CLSTN2: variants seen among roughly 807,000 people sequenced by gnomAD.
CLSTN2 encodes calsyntenin 2.
Under a neutral mutation model 101.2 loss-of-function variants are expected in CLSTN2, and 48 were observed. That is an observed-to-expected ratio of 0.47 (90% CI 0.38 to 0.60). CLSTN2 has a LOEUF of 0.60. CLSTN2 is among the 20% of genes least tolerant of loss of function. The probability of loss-of-function intolerance (pLI) is 0.00; values close to 1 mark genes in which losing one functional copy is unlikely to be tolerated. For synonymous variants in CLSTN2, 481 were observed against 463.6 expected, an observed-to-expected ratio of 1.04 and a Z score of -0.48; for missense variants, 1,160 against 1,238.2, an observed-to-expected ratio of 0.94 and a Z score of 0.95.
In CLSTN2 at chr3:139,969,768, A is replaced by AATG. The variant is rs138837562; in HGVS notation, c.109+34287_109+34289dup. On this transcript the variant is annotated intron_variant, in intron 1 of 16. Coordinates refer to ENST00000458420, the MANE Select transcript of CLSTN2 (RefSeq NM_022131.3). ...GACCTGTGCCTCCAGCCTCCTTTCAAATGAGACTCTCCAAAAGCAACCATC... is the reference window on the plus strand; with the variant it reads ...GACCTGTGCCTCCAGCCTCCTTTCAAATGATGAGACTCTCCAAAAGCAACCATC... 9.5e-3 allele frequency among the ~76,000 whole-genome samples: 1,442 copies of AATG among 152,158 alleles called. 19 individuals carry two copies. The highest frequency in any genetic ancestry group is 0.033 in the African/African-American group (1,354 of 41,502).
At chr3:140,361,012 G>T (rs548141811) in intron 2 of CLSTN2, among the ~76,000 whole-genome samples, 1 of 152,224 alleles carries the variant, frequency 6.6e-6, no homozygotes, top group African/African-American at 2.4e-5. Flanking sequence ...TTTTCTGTGT[G>T]GTCAGTACTA....
At chr3:140,279,393 G>A (rs760295480) in intron 2 of CLSTN2, among the ~76,000 whole-genome samples, 1 of 152,242 alleles carries the variant, frequency 6.6e-6, no homozygotes, top group Non-Finnish European at 1.5e-5. Context: ...TGAAGGTGCT[G>A]CATGCCTTGA....
At chr3:139,990,775 C>G (rs4683778) in intron 1 of CLSTN2, among the ~76,000 whole-genome samples, 80,931 of 151,996 alleles carry the variant, frequency 0.53, 24,308 homozygotes, top group Non-Finnish European at 0.66. Context: ...AGACAAGATG[C>G]CCTTGTAGTT....
intron 1 of CLSTN2, among the ~76,000 whole-genome samples, chr3:139,936,570 A>G (rs1267494220): frequency 6.6e-6 from 1 of 152,184 alleles, no homozygotes; most frequent in African/African-American, 2.4e-5. Context: ...TGCGCCTGTC[A>G]GAAAATAGAT....
intron 1 of CLSTN2, among the ~76,000 whole-genome samples, chr3:140,112,491 T>G (rs1194093695): frequency 6.6e-6 from 1 of 152,116 alleles, no homozygotes; most frequent in Admixed American, 6.5e-5. Context: ...CATGGAGAAA[T>G]CTCAGCACGT....
chr3:140,387,332 A>G (rs895303323), intron 2 of CLSTN2, among the ~76,000 whole-genome samples: 3 of 152,084 alleles, frequency 2.0e-5, no homozygotes, highest in African/African-American at 7.2e-5. Flanking sequence ...ATAAGAGAGA[A>G]TTCTCTGTTA....
At chr3:140,430,340 A>T (rs1195895626) in intron 5 of CLSTN2, among the ~76,000 whole-genome samples, 1 of 152,220 alleles carries the variant, frequency 6.6e-6, no homozygotes, top group African/African-American at 2.4e-5. Context: ...CTATAGGCCA[A>T]ATCTGGTTGA....
chr3:140,261,500 C>A (rs1283335194), intron 2 of CLSTN2, among the ~76,000 whole-genome samples: 2 of 152,094 alleles, frequency 1.3e-5, no homozygotes, highest in Non-Finnish European at 2.9e-5. Context: ...CTTCTGTATT[C>A]CCTACCCAAG....
At chr3:140,323,522 C>T (rs930418814) in intron 2 of CLSTN2, among the ~76,000 whole-genome samples, 5 of 152,128 alleles carry the variant, frequency 3.3e-5, no homozygotes, top group African/African-American at 4.8e-5. Context: ...TTCTGTAATC[C>T]GCAAGGCTTT....
Position 140,133,620 on chromosome 3 carries a change from G to T in CLSTN2, c.110-42331G>T, listed in dbSNP as rs80114323. Among the ~76,000 whole-genome samples the T allele has an allele frequency of 8.8e-3, 1,342 of 152,284 alleles. 22 individuals carry two copies. The highest frequency in any genetic ancestry group is 0.029 in the African/African-American group (1,215 of 41,566). Reference sequence around the variant, plus strand: ...GGTCAACTCCTGAATAATTGCAGAGGTGGGGGGGCCAGGAGGCTGCCCTCG... The same window carrying T: ...GGTCAACTCCTGAATAATTGCAGAGTTGGGGGGGCCAGGAGGCTGCCCTCG... On this transcript the variant is annotated intron_variant, in intron 1 of 16. Coordinates refer to ENST00000458420, the MANE Select transcript of CLSTN2 (RefSeq NM_022131.3).
At chr3:140,065,430 T>C (rs989210681) in intron 1 of CLSTN2, among the ~76,000 whole-genome samples, 2 of 152,224 alleles carry the variant, frequency 1.3e-5, no homozygotes, top group African/African-American at 4.8e-5. Context: ...CTTGTTCAAA[T>C]GCAATTTTAA....
At chr3:139,937,210 G>T (rs562907218) in intron 1 of CLSTN2, among the ~76,000 whole-genome samples, 2 of 152,150 alleles carry the variant, frequency 1.3e-5, no homozygotes, top group Non-Finnish European at 2.9e-5. Context: ...CACAGCAAGT[G>T]CAGAACAGGG....
intron 2 of CLSTN2, among the ~76,000 whole-genome samples, chr3:140,300,705 C>G (rs528193234): frequency 1.3e-5 from 2 of 152,032 alleles, no homozygotes; most frequent in Non-Finnish European, 2.9e-5. Context: ...CTCAAGATAT[C>G]TTTACACTCT....
At chr3:140,397,343 T>C (rs574313115) in intron 2 of CLSTN2, among the ~76,000 whole-genome samples, 1 of 152,282 alleles carries the variant, frequency 6.6e-6, no homozygotes, top group East Asian at 1.9e-4. Context: ...GTAGATAATA[T>C]TAAGTTATAG....
intron 2 of CLSTN2, among the ~76,000 whole-genome samples, chr3:140,289,964 A>T (rs1209478873): frequency 6.6e-6 from 1 of 150,602 alleles, no homozygotes; most frequent in African/African-American, 2.4e-5. Flanking sequence ...TGTGGCATGT[A>T]AAAGGGTCTC....
intron 2 of CLSTN2, among the ~76,000 whole-genome samples, chr3:140,193,005 G>A (rs1055416230): frequency 4.0e-5 from 6 of 151,158 alleles, no homozygotes; most frequent in Non-Finnish European, 5.9e-5. Context: ...ATAGTCTATT[G>A]GTATTGTCAT....
intron 8 of CLSTN2, among the ~76,000 whole-genome samples, chr3:140,479,304 T>G (rs1437799106): frequency 6.6e-6 from 1 of 152,090 alleles, no homozygotes; most frequent in Non-Finnish European, 1.5e-5. Context: ...TAAGGGTAAA[T>G]CTAAACAAAC....
At chr3:140,309,092 C>A (rs977654712) in intron 2 of CLSTN2, among the ~76,000 whole-genome samples, 1 of 152,174 alleles carries the variant, frequency 6.6e-6, no homozygotes, top group African/African-American at 2.4e-5. Flanking sequence ...GTTCCCTACT[C>A]TCATAGAACT....
chr3:140,510,575 C>T (rs1279960931), intron 8 of CLSTN2, among the ~76,000 whole-genome samples: 9 of 152,180 alleles, frequency 5.9e-5, no homozygotes, highest in African/African-American at 1.2e-4. Flanking sequence ...AAATTTCAAA[C>T]GAGGGTGGTC....
Sources: allele counts gnomAD v4.1 joint callset (sites outside exome capture counted in the v4.1 genomes callset), GRCh38; gene constraint gnomAD v4.1.1; transcripts MANE v1.5; gene names NCBI Gene and HGNC (gene_info 2026-07-23, HGNC 2026-07-21).